The following RERE variants were observed in gnomAD, a reference collection of about 807,000 sequenced individuals.
RERE encodes the protein arginine-glutamic acid dipeptide repeats protein.
RERE carries 40 observed loss-of-function variants against 146.1 expected under a neutral mutation model. The ratio of observed to expected loss-of-function variants is 0.27; its 90% CI spans 0.21 to 0.36. The LOEUF (loss-of-function observed/expected upper bound fraction) is 0.36. Ranked by LOEUF, RERE falls within the 10% of genes least tolerant of loss-of-function variation. The probability of loss-of-function intolerance (pLI) is 1.00; values close to 1 mark genes in which losing one functional copy is unlikely to be tolerated. For missense variants in RERE, 1,933 were observed against 2,138.7 expected (o/e 0.90, Z 1.90); for synonymous variants, 1,003 against 866.0 (o/e 1.16, Z -2.78).
chr1:8,639,595 A>G (rs1426452790), intron 2 of RERE, among the ~76,000 whole-genome samples: 2 of 152,210 alleles, frequency 1.3e-5, no homozygotes, highest in Admixed American at 6.5e-5. Context: ...CATCTCCCCA[A>G]GTCTGAGTGC....
intron 10 of RERE, among the ~76,000 whole-genome samples, chr1:8,469,789 G>A (rs574579443): frequency 5.3e-5 from 8 of 152,296 alleles, no homozygotes; most frequent in Admixed American, 2.6e-4. Flanking sequence ...GAACCAAGAA[G>A]AGTTTTAAAC....
intron 1 of RERE, among the ~76,000 whole-genome samples, chr1:8,735,806 CTCTG>C (rs991765074): frequency 1.2e-4 from 19 of 152,280 alleles, no homozygotes; most frequent in African/African-American, 4.6e-4. Flanking sequence ...CCTGCTCCAG[CTCTG>C]CCTTCCACCG....
chr1:8,511,177 C>A (rs1314851527), intron 7 of RERE, among the ~76,000 whole-genome samples: 1 of 152,036 alleles, frequency 6.6e-6, no homozygotes, highest in Non-Finnish European at 1.5e-5. Context: ...TTATATCTCA[C>A]GTATTTCCAT....
chr1:8,431,575 G>A (rs964124655), intron 11 of RERE, among the ~76,000 whole-genome samples: 10 of 152,042 alleles, frequency 6.6e-5, no homozygotes, highest in Non-Finnish European at 1.3e-4. Context: ...CTTCCCCTCA[G>A]CCCATGGAAA....
chr1:8,755,444 C>T (rs993605249), intron 1 of RERE, among the ~76,000 whole-genome samples: 2 of 152,144 alleles, frequency 1.3e-5, no homozygotes, highest in African/African-American at 4.8e-5. Context: ...TTTTGTAGAT[C>T]TGTTGTTTAT....
chr1:8,427,728 C>G (rs562822208), intron 11 of RERE, among the ~76,000 whole-genome samples: 4 of 151,118 alleles, frequency 2.6e-5, no homozygotes, highest in Non-Finnish European at 5.9e-5. Flanking sequence ...TCAAAACCAG[C>G]AAAACATCTG....
At chr1:8,734,889 A>G (rs1419777494) in intron 1 of RERE, among the ~76,000 whole-genome samples, 1 of 152,010 alleles carries the variant, frequency 6.6e-6, no homozygotes, top group Non-Finnish European at 1.5e-5. Context: ...ATCCTTCTCA[A>G]CTTCCTTATA....
intron 8 of RERE, among the ~76,000 whole-genome samples, chr1:8,498,347 G>A (rs996688526): frequency 3.3e-5 from 5 of 151,646 alleles, no homozygotes; most frequent in Admixed American, 2.6e-4. Flanking sequence ...GAGACAGAGC[G>A]AAATTCCATC....
intron 11 of RERE, among the ~76,000 whole-genome samples, chr1:8,442,707 C>T (rs1439307041): frequency 3.3e-5 from 5 of 152,072 alleles, no homozygotes; most frequent in East Asian, 1.9e-4. Context: ...AGCTTTGCAA[C>T]GGGGTAATGG....
chr1:8,391,531 G>A (rs781774528), intron 12 of RERE, among the ~76,000 whole-genome samples: 1 of 152,078 alleles, frequency 6.6e-6, no homozygotes, highest in Non-Finnish European at 1.5e-5. Flanking sequence ...CCTCTGTACA[G>A]GCTGATCCCT....
intron 1 of RERE, among the ~76,000 whole-genome samples, chr1:8,725,858 CA>C: frequency 6.6e-6 from 1 of 152,102 alleles, no homozygotes; most frequent in South Asian, 2.1e-4. Context: ...TTGCTTAATG[CA>C]AACGTTCTGA....
At chr1:8,501,027 C>T (rs1433655862) in intron 8 of RERE, among the ~76,000 whole-genome samples, 1 of 38,280 alleles carries the variant, frequency 2.6e-5, no homozygotes, top group Admixed American at 2.7e-4. Context: ...CCACCCCGTC[C>T]GGGAGGGGGG....
chr1:8,440,078 C>G (rs1644225875), intron 11 of RERE, among the ~76,000 whole-genome samples: 1 of 152,042 alleles, frequency 6.6e-6, no homozygotes, highest in Admixed American at 6.5e-5. Flanking sequence ...CCCTCTCAAA[C>G]AAACAAAAAC....
intron 2 of RERE, among the ~76,000 whole-genome samples, chr1:8,646,968 A>G (rs915747457): frequency 6.6e-6 from 1 of 152,178 alleles, no homozygotes; most frequent in Non-Finnish European, 1.5e-5. Context: ...AAAAAATACA[A>G]TTAGCCAGGC....
At chr1:8,561,139 T>C (rs1233734442) in intron 4 of RERE, among the ~76,000 whole-genome samples, 1 of 152,246 alleles carries the variant, frequency 6.6e-6, no homozygotes, top group East Asian at 1.9e-4. Context: ...TTAACTGCTT[T>C]GGTTTATTTG....
At chr1:8,639,609 C>CA (rs1392726865) in intron 2 of RERE, among the ~76,000 whole-genome samples, 2 of 152,328 alleles carry the variant, frequency 1.3e-5, no homozygotes, top group Non-Finnish European at 2.9e-5. Flanking sequence ...TGAGTGCTAA[C>CA]AGAGTAATTA....
intron 1 of RERE, among the ~76,000 whole-genome samples, chr1:8,728,225 T>G (rs907896231): frequency 6.6e-6 from 1 of 152,240 alleles, no homozygotes; most frequent in Admixed American, 6.5e-5. Context: ...ACGCATGCAA[T>G]AAGCAATGTG....
chr1:8,440,021 C>G (rs1330980431), intron 11 of RERE, among the ~76,000 whole-genome samples: 1 of 152,104 alleles, frequency 6.6e-6, no homozygotes, highest in Non-Finnish European at 1.5e-5. Context: ...TTGCAGTGAG[C>G]TGAGATCGCG....
chr1:8,741,373 T>C (rs1344244868), intron 1 of RERE, among the ~76,000 whole-genome samples: 1 of 152,238 alleles, frequency 6.6e-6, no homozygotes, highest in South Asian at 2.1e-4. Context: ...GGATGTTGAA[T>C]GAAGGGGGGT....
Sources: gnomAD v4.1 joint callset for allele counts (sites outside exome capture counted in the v4.1 genomes callset) on GRCh38, gnomAD v4.1.1 for gene constraint, MANE v1.5 for transcripts, NCBI Gene and HGNC (gene_info 2026-07-23, HGNC 2026-07-21) for gene names.